Variants in AGBL4 observed in about 807,000 individuals in gnomAD.
AGBL4 encodes AGBL carboxypeptidase 4, also known as cytosolic carboxypeptidase 6.
Under a neutral mutation model 66.4 loss-of-function variants are expected in AGBL4, and 58 were observed. The ratio of observed to expected loss-of-function variants is 0.87; its 90% confidence interval spans 0.71 to 1.09. The LOEUF (loss-of-function observed/expected upper bound fraction) is 1.09, where lower values mean the gene tolerates loss of function less well. Among genes scored for constraint, AGBL4 ranks in the 50% least tolerant of loss-of-function variants. The pLI is 0.00. For missense variants in AGBL4, 579 were observed against 631.0 expected, an observed-to-expected ratio of 0.92 and a Z score of 0.88; for synonymous variants, 234 against 222.9, an observed-to-expected ratio of 1.05 and a Z score of -0.44.
chr1:49,119,627 C>A (rs1645609009), intron 4 of AGBL4, among the ~76,000 whole-genome samples: 1 of 152,122 alleles, frequency 6.6e-6, no homozygotes, highest in South Asian at 2.1e-4. Context: ...ACTATGTGGT[C>A]AATTTTCGAA....
intron 11 of AGBL4, among the ~76,000 whole-genome samples, chr1:48,541,356 T>C (rs1644065465): frequency 6.6e-6 from 1 of 152,216 alleles, no homozygotes; most frequent in Non-Finnish European, 1.5e-5. Flanking sequence ...TGTCTCTTCT[T>C]TTCAGTAGCC....
intron 3 of AGBL4, among the ~76,000 whole-genome samples, chr1:49,413,069 A>G (rs1645350412): frequency 6.6e-6 from 1 of 152,184 alleles, no homozygotes; most frequent in African/African-American, 2.4e-5. Context: ...GACTGAATGG[A>G]AATTTCGGAA....
chr1:48,988,536 C>T (rs1660356642), intron 5 of AGBL4, among the ~76,000 whole-genome samples: 1 of 152,162 alleles, frequency 6.6e-6, no homozygotes, highest in South Asian at 2.1e-4. Flanking sequence ...GACAAAACAA[C>T]TTTCTCTTAA....
chr1:48,612,801 G>GA (rs1645258918), intron 9 of AGBL4, among the ~76,000 whole-genome samples: 1 of 152,176 alleles, frequency 6.6e-6, no homozygotes, highest in South Asian at 2.1e-4. Flanking sequence ...TTTCTCACAA[G>GA]AGACTTTTTT....
intron 9 of AGBL4, among the ~76,000 whole-genome samples, chr1:48,632,933 C>A (rs536279660): frequency 9.2e-5 from 14 of 152,328 alleles, no homozygotes; most frequent in African/African-American, 3.4e-4. Context: ...AGGTCAGGGA[C>A]AAGTTCATGT....
At chr1:48,769,526 AACACACACACACACACACACAC>A (rs558937968) in intron 6 of AGBL4, among the ~76,000 whole-genome samples, 10 of 130,216 alleles carry the variant, frequency 7.7e-5, no homozygotes, top group Admixed American at 6.3e-4. Context: ...GAGGATTTAA[AACACACACACACACACACACAC>A]ACACACACAC....
chr1:49,399,644 T>C (rs1266389214), intron 3 of AGBL4, among the ~76,000 whole-genome samples: 1 of 152,180 alleles, frequency 6.6e-6, no homozygotes, highest in African/African-American at 2.4e-5. Context: ...GTATGTCTTC[T>C]TTTCAGAAAT....
At chr1:49,441,178 T>C (rs771626828) in intron 3 of AGBL4, among the ~76,000 whole-genome samples, 13 of 152,136 alleles carry the variant, frequency 8.5e-5, no homozygotes, top group Non-Finnish European at 1.5e-4. Context: ...GTGTGACCCA[T>C]AAAGAGTTGT....
chr1:49,356,960 C>A (rs914177426), intron 3 of AGBL4, among the ~76,000 whole-genome samples: 1 of 152,194 alleles, frequency 6.6e-6, no homozygotes, highest in African/African-American at 2.4e-5. Flanking sequence ...AAATTGGTGT[C>A]TCTGACATGG....
intron 3 of AGBL4, among the ~76,000 whole-genome samples, chr1:49,503,264 CTGAGGT>C (rs1648352170): frequency 6.6e-6 from 1 of 152,134 alleles, no homozygotes; most frequent in Non-Finnish European, 1.5e-5. Context: ...AATACAAGAA[CTGAGGT>C]TTGGGAACCT....
At chr1:49,278,920 C>A (rs932110544) in intron 3 of AGBL4, among the ~76,000 whole-genome samples, 1 of 152,142 alleles carries the variant, frequency 6.6e-6, no homozygotes, top group African/African-American at 2.4e-5. Context: ...TTAGCTGAGA[C>A]ATTTTTCATC....
At chr1:49,939,679 T>C (rs532345267) in intron 1 of AGBL4, among the ~76,000 whole-genome samples, 1 of 152,302 alleles carries the variant, frequency 6.6e-6, no homozygotes, top group East Asian at 1.9e-4. Flanking sequence ...GATCCCTTCC[T>C]TACACCTTAT....
intron 3 of AGBL4, among the ~76,000 whole-genome samples, chr1:49,551,578 G>A (rs907515884): frequency 6.6e-6 from 1 of 152,182 alleles, no homozygotes; most frequent in Non-Finnish European, 1.5e-5. Context: ...TCTGAGTCTA[G>A]CTACCCAGCA....
chr1:49,606,144 G>A (rs1424823162), intron 3 of AGBL4, among the ~76,000 whole-genome samples: 1 of 152,082 alleles, frequency 6.6e-6, no homozygotes, highest in Non-Finnish European at 1.5e-5. Context: ...AGTCTCTAAT[G>A]AGTAATAGGG....
intron 5 of AGBL4, among the ~76,000 whole-genome samples, chr1:48,937,609 T>C (rs1655589805): frequency 6.6e-6 from 1 of 152,200 alleles, no homozygotes; most frequent in African/African-American, 2.4e-5. Flanking sequence ...GAAAGTGTTT[T>C]TTTTCCTCTT....
At chr1:49,881,873 C>CAGAA (rs1259087639) in intron 1 of AGBL4, among the ~76,000 whole-genome samples, 1 of 151,758 alleles carries the variant, frequency 6.6e-6, no homozygotes, top group Non-Finnish European at 1.5e-5. Context: ...TTTTGCTGTG[C>CAGAA]AGAAGCTCTT....
chr1:49,642,216 C>A (rs1645795520), intron 3 of AGBL4, among the ~76,000 whole-genome samples: 1 of 151,788 alleles, frequency 6.6e-6, no homozygotes, highest in South Asian at 2.1e-4. Flanking sequence ...AAACAATGGG[C>A]CTGGATTTTT....
At chr1:48,784,796 C>T (rs569468990) in intron 6 of AGBL4, among the ~76,000 whole-genome samples, 1 of 152,092 alleles carries the variant, frequency 6.6e-6, no homozygotes, top group Admixed American at 6.5e-5. Flanking sequence ...GATCTGAATC[C>T]CAGCATTTTA....
intron 4 of AGBL4, among the ~76,000 whole-genome samples, chr1:49,068,146 A>C (rs1644526359): frequency 6.6e-6 from 1 of 152,232 alleles, no homozygotes; most frequent in Admixed American, 6.5e-5. Context: ...AAGGTGGATA[A>C]GACTAGTAGC....
Sources: allele counts gnomAD v4.1 joint callset (sites outside exome capture counted in the v4.1 genomes callset), GRCh38; gene constraint gnomAD v4.1.1; transcripts MANE v1.5; gene names NCBI Gene and HGNC (gene_info 2026-07-23, HGNC 2026-07-21).